PNPLA7: variants seen among roughly 807,000 people sequenced by gnomAD.
PNPLA7 encodes patatin-like phospholipase domain-containing protein 7.
PNPLA7 carries 153 observed loss-of-function variants against 161.7 expected under a neutral mutation model. The observed-to-expected ratio is 0.95, with a 90% confidence interval of 0.83 to 1.08. PNPLA7 has a LOEUF of 1.08. PNPLA7 is among the 50% of genes least tolerant of loss of function. The pLI is 0.00. For synonymous variants in PNPLA7, 809 were observed against 782.1 expected, an observed-to-expected ratio of 1.03 and a Z score of -0.57; for missense variants, 1,739 against 1,856.6, an observed-to-expected ratio of 0.94 and a Z score of 1.16.
At chr9:137,546,980 G>T in intron 3 of PNPLA7, 71 bp from the exon 4 acceptor site, 1 of 1,429,448 alleles carries the variant, frequency 7.0e-7, no homozygotes, top group Non-Finnish European at 9.8e-7. Flanking sequence ...TGCAGGTGCA[G>T]CACAGTCAGT....
At chr9:137,528,745 G>GT (rs1170741896) in intron 8 of PNPLA7, among the ~76,000 whole-genome samples, 2 of 151,020 alleles carry the variant, frequency 1.3e-5, no homozygotes, top group Non-Finnish European at 2.9e-5. Flanking sequence ...CTCTTGCCCA[G>GT]GCTGGAGTGC....
chr9:137,509,801 A>C, intron 12 of PNPLA7: 1 of 450,624 alleles, frequency 2.2e-6, no homozygotes, highest in African/African-American at 2.0e-5. Flanking sequence ...GAGGCAAGAG[A>C]CAGAGGACAC....
In PNPLA7 at chr9:137,515,410, C is replaced by A; in HGVS notation, c.1194G>T (p.Gly398=). ...GGGCCGAAGGGTCAGGGTCACCTGC[C>A]CCGGGCTTCTCCAGCTCCTCCAAGA... ...KQILEELEKP[G]AGDPDPSAPQ... is the part of the protein sequence containing the mutation. The change falls in exon 12 of 35, where the codon GGG becomes GGT. Residue 398 remains glycine (G), a synonymous_variant. Transcript: ENST00000406427. The A allele has an allele frequency of 6.2e-7, 1 of 1,604,378 alleles. No homozygotes were observed. Among genetic ancestry groups the A allele is most frequent in the Non-Finnish European group, 8.5e-7 (1 of 1,176,532 alleles).
chr9:137,504,004 AAG>A (rs1404408744), intron 14 of PNPLA7, among the ~76,000 whole-genome samples: 3 of 87,478 alleles, frequency 3.4e-5, no homozygotes, highest in African/African-American at 1.4e-4. Flanking sequence ...AAGAAGAAGA[AAG>A]AAGAAGGAAG....
At chr9:137,473,043 G>A (rs1017010356) in intron 25 of PNPLA7, among the ~76,000 whole-genome samples, 9 of 152,202 alleles carry the variant, frequency 5.9e-5, no homozygotes, top group African/African-American at 9.6e-5. Flanking sequence ...AGGAGGAGCA[G>A]AGGCACATCT....
intron 14 of PNPLA7, among the ~76,000 whole-genome samples, chr9:137,502,963 C>T (rs1833576170): frequency 6.6e-6 from 1 of 151,774 alleles, no homozygotes; most frequent in African/African-American, 2.4e-5. Context: ...GGAAGGGGTG[C>T]AGAGAAAACA....
In PNPLA7 at chr9:137,541,339, G is replaced by T; in HGVS notation, c.667-617C>A. On this transcript the variant is annotated intron_variant, in intron 7 of 34. Coordinates refer to ENST00000406427, the MANE Select transcript of PNPLA7 (RefSeq NM_001098537.3). This position sits in a 1 kb window ranked among gnomAD's most constrained non-coding sequence, Gnocchi z 4.4. ...CAGCTGGGCGGCCTCATCCCCAGGA[G>T]CTACTGGCTCCAGCTTCCCCCAAGC... The T allele has an allele frequency of 1.2e-6, 1 of 833,714 alleles. No individual in the cohort carries two copies. Among genetic ancestry groups the T allele is most frequent in the Non-Finnish European group, 1.4e-6 (1 of 691,384 alleles). 51.6% of individuals were successfully genotyped at this position (833,714 alleles called of 1,614,324 possible).
At chr9:137,495,191 C>A in intron 18 of PNPLA7, 45 bp from the exon 19 acceptor site, 1 of 1,449,584 alleles carries the variant, frequency 6.9e-7, no homozygotes, top group Non-Finnish European at 9.5e-7. Context: ...TTGGGAGGGC[C>A]GAGCCAGCTG....
chr9:137,515,380 T>A lies in PNPLA7; in HGVS notation c.1224A>T (p.Gln408His). The A allele has an allele frequency of 6.2e-7, 1 of 1,602,168 alleles. No individual in the cohort carries two copies. The highest frequency in any genetic ancestry group is 8.5e-7 in the Non-Finnish European group (1 of 1,175,512). ...GAGDPDPSAP[Q>H]GGPGSATSDL... ...TGGGCAGCCGTCGAGGTTCTTTACC[T>A]TGTGGGGCCGAAGGGTCAGGGTCAC... is the stretch of plus-strand genomic sequence containing the variant. The change falls in exon 12 of 35, where the codon CAA becomes CAT. Residue 408 changes from glutamine (Q) to histidine (H), a missense_variant and splice_region_variant. Physicochemically the swap from Gln to His is conservative, Grantham distance 24. Coordinates refer to ENST00000406427, the MANE Select transcript of PNPLA7 (RefSeq NM_001098537.3).
chr9:137,547,308 C>T lies in PNPLA7; in HGVS notation c.193+1G>A, dbSNP rs776015129. 36 of 1,613,326 alleles carry T rather than the reference C, an allele frequency of 2.2e-5. No homozygotes were observed. Among genetic ancestry groups the T allele is most frequent in the Non-Finnish European group, 2.3e-5 (27 of 1,179,928 alleles). On this transcript the variant is annotated splice_donor_variant, in intron 3 of 34. Coordinates refer to ENST00000406427, the MANE Select transcript of PNPLA7 (RefSeq NM_001098537.3). LOFTEE classifies it high-confidence loss of function. This position sits in a 1 kb window ranked among gnomAD's most constrained non-coding sequence, Gnocchi z 4.6. ...GCCAGAGTCGGAACCAAGATACTCA[C>T]GAAATTGTCTAAGCCTTCTGAACAT...
At chr9:137,546,267 G>A (rs575729864) in intron 4 of PNPLA7, among the ~76,000 whole-genome samples, 9 of 152,120 alleles carry the variant, frequency 5.9e-5, no homozygotes, top group Admixed American at 3.3e-4. Flanking sequence ...TGAACCACGG[G>A]ACCTTACCTA....
chr9:137,462,662 C>T (rs890859620), intron 30 of PNPLA7, 23 bp downstream of exon 30: 77 of 1,611,770 alleles, frequency 4.8e-5, no homozygotes, highest in Middle Eastern at 1.6e-4. Flanking sequence ...AGGGACAGCC[C>T]AGCCTGCCCG....
chr9:137,515,222 A>T (rs1432503842), intron 12 of PNPLA7, among the ~76,000 whole-genome samples, 157 bp downstream of exon 12: 1 of 152,020 alleles, frequency 6.6e-6, no homozygotes, highest in African/African-American at 2.4e-5. Context: ...TCGACCCTAG[A>T]GCCAGAGGAC....
intron 20 of PNPLA7, chr9:137,492,374 A>G (rs1832804986): frequency 2.0e-6 from 2 of 976,432 alleles, no homozygotes; most frequent in Non-Finnish European, 2.4e-6. Context: ...CTTTTCACAT[A>G]TAGCAGAGCT....
rs955038762 is a variant in PNPLA7, at chr9:137,522,730, T to G, written c.875A>C (p.Gln292Pro). The G allele has an allele frequency of 6.2e-7, 1 of 1,613,408 alleles. No homozygotes were observed. The highest frequency in any genetic ancestry group is 1.1e-5 in the South Asian group (1 of 91,068). Residue 292 changes from glutamine (Q) to proline (P), a missense_variant and splice_region_variant, in exon 9 of 35, where the codon CAG becomes CCG. By Grantham distance (76) the Gln-to-Pro change is moderately conservative. Transcript: ENST00000406427. ...GAGTTGTCTGAAAAAGTGACTCACC[T>G]GCACCACCCTCACCAGAGTTTCCGG... ...KYPETLVRVV[Q>P]IIMVRLQRVT...
chr9:137,464,278 G>T, intron 27 of PNPLA7, 62 bp downstream of exon 27: 2 of 1,606,386 alleles, frequency 1.2e-6, no homozygotes, highest in South Asian at 2.2e-5. Context: ...GGGCCAAGAG[G>T]TGGGGGGCCA....
intron 20 of PNPLA7, among the ~76,000 whole-genome samples, 164 bp downstream of exon 20, chr9:137,492,849 G>T (rs1396566549): frequency 6.8e-6 from 1 of 146,798 alleles, no homozygotes; most frequent in Non-Finnish European, 1.5e-5. Context: ...CATGGGCTGG[G>T]TGGGCAGGGC....
At chr9:137,503,190 T>C (rs1564322638) in intron 14 of PNPLA7, among the ~76,000 whole-genome samples, 1 of 151,920 alleles carries the variant, frequency 6.6e-6, no homozygotes, top group Non-Finnish European at 1.5e-5. Flanking sequence ...AAGACCAGCC[T>C]GGGAAACATG....
chr9:137,525,044 T>C (rs1302938642), intron 8 of PNPLA7, among the ~76,000 whole-genome samples: 4 of 152,236 alleles, frequency 2.6e-5, no homozygotes, highest in Admixed American at 6.5e-5. Flanking sequence ...AGGTGACTCC[T>C]GGCGGCAAGG....
Sources: gnomAD v4.1 joint callset for allele counts (sites outside exome capture counted in the v4.1 genomes callset) on GRCh38, gnomAD v4.1.1 for gene constraint, Gnocchi (gnomAD v3.1) non-coding constraint, MANE v1.5 for transcripts, NCBI Gene and HGNC (gene_info 2026-07-23, HGNC 2026-07-21) for gene names.